LRRC4C: variants seen among roughly 807,000 people sequenced by gnomAD.
LRRC4C encodes leucine rich repeat containing 4C.
A neutral mutation model predicts 33.6 loss-of-function variants in LRRC4C; 5 were observed. The ratio of observed to expected loss-of-function variants is 0.15; its 90% confidence interval spans 0.08 to 0.31. The LOEUF (loss-of-function observed/expected upper bound fraction) is 0.31. Ranked by LOEUF, LRRC4C falls within the 10% of genes least tolerant of loss-of-function variation. The pLI, the probability that LRRC4C is intolerant of heterozygous loss-of-function variation, is 1.00. For missense variants in LRRC4C, 560 were observed against 796.7 expected (o/e 0.70, Z 3.58); for synonymous variants, 329 against 302.0 (o/e 1.09, Z -0.93).
At chr11:40,332,469 ACT>A (rs1397057469) in intron 3 of LRRC4C, among the ~76,000 whole-genome samples, 1 of 152,092 alleles carries the variant, frequency 6.6e-6, no homozygotes, top group African/African-American at 2.4e-5. Flanking sequence ...ATCAGCAAAG[ACT>A]CTGTTTTCAA....
At chr11:41,346,048 TC>T (rs1951794192) in intron 1 of LRRC4C, among the ~76,000 whole-genome samples, 1 of 152,172 alleles carries the variant, frequency 6.6e-6, no homozygotes, top group African/African-American at 2.4e-5. Flanking sequence ...TCTGGGTGTT[TC>T]TATACATATT....
intron 1 of LRRC4C, among the ~76,000 whole-genome samples, chr11:41,130,110 G>A (rs937218100): frequency 1.3e-5 from 2 of 151,900 alleles, no homozygotes; most frequent in Non-Finnish European, 2.9e-5. Context: ...TTGACTTTCT[G>A]TGCCTCCTTA....
chr11:40,132,032 T>C (rs1313350782), intron 6 of LRRC4C, among the ~76,000 whole-genome samples: 1 of 152,176 alleles, frequency 6.6e-6, no homozygotes, highest in Non-Finnish European at 1.5e-5. Flanking sequence ...TAAATGTGAT[T>C]ATATATTTTT....
intron 3 of LRRC4C, among the ~76,000 whole-genome samples, chr11:40,410,206 T>C (rs991314438): frequency 1.3e-5 from 2 of 152,052 alleles, no homozygotes; most frequent in Non-Finnish European, 1.5e-5. Flanking sequence ...GGTACATATG[T>C]ATTTCAAAAA....
intron 2 of LRRC4C, among the ~76,000 whole-genome samples, chr11:40,793,623 G>T (rs1037852644): frequency 6.6e-6 from 1 of 152,148 alleles, no homozygotes; most frequent in Admixed American, 6.5e-5. Context: ...GAGAGGTCAA[G>T]TAAATCCCAG....
intron 3 of LRRC4C, among the ~76,000 whole-genome samples, chr11:40,415,128 G>T (rs1001732198): frequency 6.6e-6 from 1 of 152,148 alleles, no homozygotes; most frequent in South Asian, 2.1e-4. Flanking sequence ...CACTGACCTC[G>T]TGCCGTTTGT....
At chr11:41,432,433 A>C (rs1955271278) in intron 1 of LRRC4C, among the ~76,000 whole-genome samples, 1 of 152,162 alleles carries the variant, frequency 6.6e-6, no homozygotes, top group South Asian at 2.1e-4. Flanking sequence ...AGGAGGATTA[A>C]AGCAATGCTT....
At chr11:40,172,475 C>T (rs1860126023) in intron 5 of LRRC4C, among the ~76,000 whole-genome samples, 1 of 152,020 alleles carries the variant, frequency 6.6e-6, no homozygotes, top group Admixed American at 6.6e-5. Flanking sequence ...ATTCCACTTC[C>T]TAAGTGGATT....
intron 1 of LRRC4C, among the ~76,000 whole-genome samples, chr11:41,279,426 A>ACCCCCCC (rs758334311): frequency 1.7e-4 from 19 of 113,276 alleles, no homozygotes; most frequent in African/African-American, 4.4e-4. Flanking sequence ...ACACACACAC[A>ACCCCCCC]CACCGTGGCA....
At chr11:40,467,889 G>A (rs1281023283) in intron 3 of LRRC4C, among the ~76,000 whole-genome samples, 1 of 152,078 alleles carries the variant, frequency 6.6e-6, no homozygotes, top group African/African-American at 2.4e-5. Flanking sequence ...TTTTTTATTT[G>A]TTTGTTTGTT....
chr11:40,256,067 C>G (rs1867180157), intron 4 of LRRC4C, among the ~76,000 whole-genome samples: 1 of 152,190 alleles, frequency 6.6e-6, no homozygotes, highest in Non-Finnish European at 1.5e-5. Context: ...AGATCTACAA[C>G]CTTTTTAGTT....
intron 2 of LRRC4C, among the ~76,000 whole-genome samples, chr11:40,848,478 T>A (rs1453393803): frequency 6.6e-6 from 1 of 152,198 alleles, no homozygotes; most frequent in Non-Finnish European, 1.5e-5. Context: ...TAATTCTGAG[T>A]TCTAATTTCA....
At chr11:40,595,824 T>C (rs981745984) in intron 3 of LRRC4C, among the ~76,000 whole-genome samples, 3 of 152,098 alleles carry the variant, frequency 2.0e-5, no homozygotes, top group Non-Finnish European at 2.9e-5. Flanking sequence ...GTGAGAGCTT[T>C]CAGAGGAGCT....
At chr11:40,625,362 G>T (rs978495941) in intron 3 of LRRC4C, among the ~76,000 whole-genome samples, 2 of 152,150 alleles carry the variant, frequency 1.3e-5, no homozygotes, top group Admixed American at 6.6e-5. Flanking sequence ...GGCTAGGGAG[G>T]CCTCACTAAC....
intron 1 of LRRC4C, among the ~76,000 whole-genome samples, chr11:41,138,652 A>G (rs1435211819): frequency 2.0e-5 from 3 of 152,196 alleles, no homozygotes; most frequent in Admixed American, 1.3e-4. Flanking sequence ...TATAAAATCT[A>G]AATTGTGAAT....
chr11:40,583,197 C>T (rs1474870346), intron 3 of LRRC4C, among the ~76,000 whole-genome samples: 1 of 152,110 alleles, frequency 6.6e-6, no homozygotes, highest in East Asian at 1.9e-4. Context: ...ACTTTAAATG[C>T]CTGCTCTATA....
intron 3 of LRRC4C, among the ~76,000 whole-genome samples, chr11:40,634,282 G>C (rs936627316): frequency 6.6e-6 from 1 of 152,164 alleles, no homozygotes; most frequent in Non-Finnish European, 1.5e-5. Context: ...TATGCTTAAA[G>C]AAGCTTCGCT....
At chr11:41,457,784 C>T (rs1188444303) in intron 1 of LRRC4C, among the ~76,000 whole-genome samples, 12 of 152,022 alleles carry the variant, frequency 7.9e-5, no homozygotes, top group Admixed American at 7.9e-4. Flanking sequence ...AGAGCTCTGC[C>T]TGGAGTACCA....
intron 2 of LRRC4C, among the ~76,000 whole-genome samples, chr11:40,697,187 GTTCC>G (rs927829272): frequency 6.6e-6 from 1 of 151,926 alleles, no homozygotes; most frequent in African/African-American, 2.4e-5. Flanking sequence ...GGGGTCCTTC[GTTCC>G]TTTATTCAAT....
Sources: gnomAD v4.1 joint callset for allele counts (sites outside exome capture counted in the v4.1 genomes callset) on GRCh38, gnomAD v4.1.1 for gene constraint, MANE v1.5 for transcripts, NCBI Gene and HGNC (gene_info 2026-07-23, HGNC 2026-07-21) for gene names.